The following MAS1 variants were observed in gnomAD, a reference collection of about 807,000 sequenced individuals.
The protein encoded by MAS1 is proto-oncogene Mas.
For missense variants in MAS1, 387 were observed against 409.7 expected, an observed-to-expected ratio of 0.94 and a Z score of 0.48; for synonymous variants, 163 against 164.2, an observed-to-expected ratio of 0.99 and a Z score of 0.05.
intron 1 of MAS1, among the ~76,000 whole-genome samples, chr6:159,897,192 T>A (rs999755529): frequency 3.3e-5 from 5 of 151,900 alleles, no homozygotes; most frequent in African/African-American, 1.2e-4. Flanking sequence ...GGGTTTTTTT[T>A]AAGGATAATT....
At position 159,908,114 on chromosome 6, in the gene MAS1, C is replaced by A; in HGVS notation, c.*181C>A. The A allele has an allele frequency of 3.5e-6, 2 of 578,838 alleles. No individual in the cohort carries two copies. The highest frequency in any genetic ancestry group is 5.6e-6 in the Non-Finnish European group (2 of 358,720). 35.9% of individuals were successfully genotyped at this position (578,838 alleles called of 1,614,324 possible). A position where few individuals can be genotyped will look rare whatever the true frequency, so the allele number is the denominator to read the frequency against. Reference sequence around the variant, plus strand: ...ACTGTATCTTCTGGAAATGACCTGTCATTTCTGTACTTGACAAAGACTCTA... The same window carrying A: ...ACTGTATCTTCTGGAAATGACCTGTAATTTCTGTACTTGACAAAGACTCTA... On this transcript the variant is annotated 3_prime_UTR_variant, in exon 3 of 3. Coordinates refer to ENST00000674077, the MANE Select transcript of MAS1 (RefSeq NM_002377.4).
chr6:159,889,572 C>T (rs140341154), upstream of MAS1, among the ~76,000 whole-genome samples: 515 of 152,294 alleles, frequency 3.4e-3, 4 homozygotes, highest in African/African-American at 0.012. Flanking sequence ...CCTTTCCCAC[C>T]CGTGCTCCTT....
rs113261413 is a variant in MAS1, at chr6:159,916,941, T to C, written c.*9008T>C. 2.0e-5 allele frequency among the ~76,000 whole-genome samples: 3 copies of C among 152,390 alleles called. No homozygotes were observed. In the South Asian group the frequency reaches 6.2e-4, roughly 32 times the overall value. On this transcript the variant is annotated 3_prime_UTR_variant, in exon 3 of 3. Coordinates refer to ENST00000674077, the MANE Select transcript of MAS1 (RefSeq NM_002377.4). ...AATTGAATTTCATGTAATTTTCATG[T>C]CATAGAAATTCTTTCTTTTCCCCTT...
rs1420052535 is a variant in MAS1, at chr6:159,907,635, A to G, written c.680A>G (p.Tyr227Cys). Reference protein sequence around the residue: ...NTWASHSSKLYIVIMVTIIIF... With the variant: ...NTWASHSSKLCIVIMVTIIIF... ...TGGGCTTCCCATTCCTCCAAGCTTTACATAGTCATCATGGTCACCATCATT... is the reference window on the plus strand; with the variant it reads ...TGGGCTTCCCATTCCTCCAAGCTTTGCATAGTCATCATGGTCACCATCATT... Residue 227 changes from tyrosine to cysteine, a missense_variant, in exon 3 of 3, where the codon TAC (tyrosine) becomes TGC (cysteine). Tyr to Cys is a radical substitution (Grantham distance 194, BLOSUM62 -2). Transcript: ENST00000674077. 36 of 1,613,820 alleles carry G rather than the reference A, an allele frequency of 2.2e-5. No homozygotes were observed. The highest frequency in any genetic ancestry group is 3.1e-5 in the Non-Finnish European group (36 of 1,179,984).
At chr6:159,889,938 A>C (rs1376231228), upstream of MAS1, among the ~76,000 whole-genome samples, 1 of 152,164 alleles carries the variant, frequency 6.6e-6, no homozygotes, top group Non-Finnish European at 1.5e-5. Context: ...GGGGAACTTC[A>C]TCTGTGGGTT....
At chr6:159,898,933 C>T (rs969265299) in intron 1 of MAS1, among the ~76,000 whole-genome samples, 1 of 152,168 alleles carries the variant, frequency 6.6e-6, no homozygotes, top group African/African-American at 2.4e-5. Context: ...CCCTGCAGGA[C>T]CCAGGGAGCA....
At chr6:159,906,880 A>C in intron 2 of MAS1, 40 bp from the exon 3 acceptor site, 7 of 1,440,102 alleles carry the variant, frequency 4.9e-6, no homozygotes, top group Non-Finnish European at 6.6e-6. Flanking sequence ...AACAATTTTC[A>C]TGGCTTTTTG....
At chr6:159,896,546 A>G (rs1455758988) in intron 1 of MAS1, among the ~76,000 whole-genome samples, 2 of 152,216 alleles carry the variant, frequency 1.3e-5, no homozygotes, top group African/African-American at 2.4e-5. Flanking sequence ...AATTTTTAAT[A>G]GTAGTTGTAT....
At chr6:159,899,635 A>G (rs1442277295) in intron 2 of MAS1, among the ~76,000 whole-genome samples, 1 of 152,238 alleles carries the variant, frequency 6.6e-6, no homozygotes, top group Non-Finnish European at 1.5e-5. Context: ...GCTACTCAGG[A>G]GGCTGAGGTG....
At chr6:159,893,319 G>T (rs1487997447) in intron 1 of MAS1, among the ~76,000 whole-genome samples, 1 of 152,214 alleles carries the variant, frequency 6.6e-6, no homozygotes, top group Non-Finnish European at 1.5e-5. Context: ...CAGGATATCT[G>T]CATGGGGGGT....
intron 1 of MAS1, among the ~76,000 whole-genome samples, chr6:159,896,030 T>C (rs1436113996): frequency 2.0e-5 from 3 of 152,188 alleles, no homozygotes; most frequent in African/African-American, 7.2e-5. Flanking sequence ...TAATGAAAGC[T>C]GGGCACAGAG....
rs1044080681 is a variant in MAS1, at chr6:159,914,630, T to A, written c.*6697T>A. On this transcript the variant is annotated 3_prime_UTR_variant, in exon 3 of 3. Transcript: ENST00000674077. The stretch of plus-strand genomic sequence containing the variant: ...ATGCAGCCAGGGATTTGGACCTCCC[T>A]GTGGATTGTGCCAGCCAGTCCCTTC... 2 of 152,332 alleles carry A rather than the reference T, an allele frequency of 1.3e-5. No individual in the cohort carries two copies. Among genetic ancestry groups the A allele is most frequent in the Non-Finnish European group, 2.9e-5 (2 of 68,122 alleles). The allele number at this position is 152,332 out of a possible 1,614,324, so 9.4% of individuals were successfully genotyped here. A position where few individuals can be genotyped will look rare whatever the true frequency, so the allele number is the denominator to read the frequency against.
intron 2 of MAS1, among the ~76,000 whole-genome samples, chr6:159,903,386 G>A (rs1008632398): frequency 7.9e-5 from 12 of 152,276 alleles, no homozygotes; most frequent in Non-Finnish European, 1.3e-4. Context: ...GAACTAAGCC[G>A]TAGAGAAGCA....
rs1027886724 is a variant in MAS1 at position 159,914,461 on chromosome 6, A to C, written c.*6528A>C. 2 of 152,190 alleles carry C rather than the reference A, an allele frequency of 1.3e-5. No homozygotes were observed. Among genetic ancestry groups the C allele is most frequent in the Admixed American group, 6.5e-5 (1 of 15,278 alleles). 9.4% of individuals were successfully genotyped at this position (152,190 alleles called of 1,614,324 possible). On this transcript the variant is annotated 3_prime_UTR_variant, in exon 3 of 3. Transcript: ENST00000674077. ...AGACTTGCGGTGAGCACTGGAACTT[A>C]AACATTGCCCTGGAACTATATTGCT...
chr6:159,891,920 G>A lies in MAS1; in HGVS notation c.-244+787G>A, dbSNP rs761424203. 3.9e-4 allele frequency among the ~76,000 whole-genome samples: 59 copies of A among 152,134 alleles called. 1 individual carries two copies. Among genetic ancestry groups the A allele is most frequent in the Non-Finnish European group, 5.3e-4 (36 of 68,030 alleles). On this transcript the variant is annotated intron_variant, in intron 1 of 2. Coordinates refer to ENST00000674077, the MANE Select transcript of MAS1 (RefSeq NM_002377.4). ...ATTTTGGGCTGGGTAATTCTTTGCC[G>A]TGTGGGCTGTCTTGTATATTATAGG...
chr6:159,894,315 A>G (rs1434229714), intron 1 of MAS1, among the ~76,000 whole-genome samples: 3 of 150,584 alleles, frequency 2.0e-5, no homozygotes, highest in Non-Finnish European at 4.4e-5. Flanking sequence ...GCTACTTGGG[A>G]GGCTGAGGCA....
chr6:159,904,516 AC>A (rs2115116253), intron 2 of MAS1, among the ~76,000 whole-genome samples: 1 of 152,212 alleles, frequency 6.6e-6, no homozygotes, highest in South Asian at 2.1e-4. Flanking sequence ...AAGACCTCCC[AC>A]CAGATAGTAC....
chr6:159,896,272 T>C (rs957518812), intron 1 of MAS1, among the ~76,000 whole-genome samples: 11 of 152,240 alleles, frequency 7.2e-5, no homozygotes, highest in African/African-American at 2.7e-4. Flanking sequence ...TCCAGCCTGG[T>C]TGACAGGGTG....
chr6:159,899,689 T>TG (rs1367162723), intron 2 of MAS1, among the ~76,000 whole-genome samples: 14 of 152,236 alleles, frequency 9.2e-5, no homozygotes, highest in African/African-American at 3.4e-4. Context: ...CAGTGAGCTA[T>TG]GACTGCACCA....
Sources: gnomAD v4.1 joint callset for allele counts (sites outside exome capture counted in the v4.1 genomes callset) on GRCh38, gnomAD v4.1.1 for gene constraint, MANE v1.5 for transcripts, NCBI Gene and HGNC (gene_info 2026-07-23, HGNC 2026-07-21) for gene names.